The following NOL10 variants were observed in gnomAD, a reference collection of about 807,000 sequenced individuals.
NOL10 encodes nucleolar protein 10.
A neutral mutation model predicts 103.5 loss-of-function variants in NOL10; 58 were observed. That is an observed-to-expected ratio of 0.56 (90% CI 0.45 to 0.70). The LOEUF is 0.70. Among genes scored for constraint, NOL10 ranks in the 30% least tolerant of loss-of-function variants. NOL10 has a pLI of 0.00. For missense variants in NOL10, 763 were observed against 807.3 expected (o/e 0.95, Z 0.67); for synonymous variants, 287 against 282.5 (o/e 1.02, Z -0.16).
In NOL10 at chr2:10,612,584, C is replaced by T. The variant is rs372881605; in HGVS notation, c.1027-5273G>A. On this transcript the variant is annotated intron_variant, in intron 13 of 20. Coordinates refer to ENST00000381685, the MANE Select transcript of NOL10 (RefSeq NM_024894.4). ...GTGGCGTGATTTAGGCTCACTGCAACCTCTGCCTCCCAGGTTCAAGCGATT... is the reference window on the plus strand; with the variant it reads ...GTGGCGTGATTTAGGCTCACTGCAATCTCTGCCTCCCAGGTTCAAGCGATT... Among the ~76,000 whole-genome samples the T allele has an allele frequency of 1.1e-3, 171 of 152,232 alleles. 1 individual carries two copies. The highest frequency in any genetic ancestry group is 4.0e-3 in the African/African-American group (166 of 41,540).
Position 10,644,359 on chromosome 2 carries a change from C to A in NOL10, c.987G>T (p.Thr329=). The A allele has an allele frequency of 6.5e-7, 1 of 1,536,944 alleles. No individual in the cohort carries two copies. Among genetic ancestry groups the A allele is most frequent in the Admixed American group, 2.1e-5 (1 of 47,518 alleles). The change falls in exon 13 of 21, where the codon ACG becomes ACT. Residue 329 remains threonine (T), a synonymous_variant. Coordinates refer to ENST00000381685, the MANE Select transcript of NOL10 (RefSeq NM_024894.4). ...TGCCCATCTTGGGGGTTTCATTGGC[C>A]GTCAGAAGCATGCCTAAAAATAAAT... ...CLYPNSGMLL[T]ANETPKMGIY...
intron 13 of NOL10, among the ~76,000 whole-genome samples, chr2:10,610,806 C>T (rs1676523868): frequency 6.6e-6 from 1 of 152,138 alleles, no homozygotes; most frequent in South Asian, 2.1e-4. Context: ...TATTAATTTA[C>T]TTTCTAAATT....
In NOL10 at chr2:10,592,501, G is replaced by C. The variant is rs551559734; in HGVS notation, c.1423-2750C>G. ...CGCCATGTCTCAGGAGAAGGGAGGG[G>C]GCTATGATGTAAATTTTGGAGTTAT... On this transcript the variant is annotated intron_variant, in intron 17 of 20. Coordinates refer to ENST00000381685, the MANE Select transcript of NOL10 (RefSeq NM_024894.4). Among the ~76,000 whole-genome samples the C allele has an allele frequency of 6.8e-4, 103 of 152,166 alleles. 1 individual carries two copies. Among genetic ancestry groups the C allele is most frequent in the South Asian group, 2.5e-3 (12 of 4,806 alleles).
intron 13 of NOL10, among the ~76,000 whole-genome samples, chr2:10,608,297 T>G (rs1676366960): frequency 6.6e-6 from 1 of 152,218 alleles, no homozygotes; most frequent in South Asian, 2.1e-4. Context: ...AACAGAATTA[T>G]AACCAACTAA....
intron 19 of NOL10, among the ~76,000 whole-genome samples, chr2:10,578,408 C>T (rs10175884): frequency 0.34 from 52,313 of 152,092 alleles, 9,423 homozygotes; most frequent in Non-Finnish European, 0.4. Context: ...TCTCCAGGTA[C>T]CTTTCCTTTT....
chr2:10,675,290 G>C (rs1239844812), intron 4 of NOL10, among the ~76,000 whole-genome samples: 2 of 152,110 alleles, frequency 1.3e-5, no homozygotes, highest in African/African-American at 4.8e-5. Flanking sequence ...GGAGGTGAGT[G>C]TGTGATGAGA....
intron 19 of NOL10, among the ~76,000 whole-genome samples, chr2:10,587,210 TATATATACATATATATAC>T (rs1675133803): frequency 3.4e-5 from 2 of 59,062 alleles, no homozygotes; most frequent in Non-Finnish European, 5.8e-5. Context: ...TATACACATA[TATATATACATATATATAC>T]ATATATATAT....
chr2:10,605,703 G>A (rs181252085), intron 14 of NOL10, among the ~76,000 whole-genome samples: 35 of 152,018 alleles, frequency 2.3e-4, no homozygotes, highest in African/African-American at 8.2e-4. Context: ...TTTTTCATTC[G>A]ATTTAAGAAT....
intron 4 of NOL10, among the ~76,000 whole-genome samples, chr2:10,675,465 G>C (rs1398354412): frequency 6.6e-6 from 1 of 151,898 alleles, no homozygotes; most frequent in African/African-American, 2.4e-5. Flanking sequence ...TTTGGGGGGG[G>C]TGCATTCTCT....
At chr2:10,672,349 T>A (rs1414014151) in intron 5 of NOL10, among the ~76,000 whole-genome samples, 1 of 151,820 alleles carries the variant, frequency 6.6e-6, no homozygotes, top group African/African-American at 2.4e-5. Flanking sequence ...AAACAAAAAA[T>A]AATAATAATC....
intron 14 of NOL10, among the ~76,000 whole-genome samples, chr2:10,604,239 A>G (rs992484122): frequency 4.6e-5 from 7 of 152,224 alleles, no homozygotes; most frequent in African/African-American, 1.4e-4. Flanking sequence ...GTATGGGTCC[A>G]TGGCCCAGGG....
intron 3 of NOL10, among the ~76,000 whole-genome samples, chr2:10,678,537 A>C (rs571561022): frequency 6.6e-6 from 1 of 152,308 alleles, no homozygotes; most frequent in Admixed American, 6.5e-5. Context: ...GCATGATCAT[A>C]AACCCAATGC....
chr2:10,617,459 T>A (rs193235053), intron 13 of NOL10, among the ~76,000 whole-genome samples: 1 of 152,192 alleles, frequency 6.6e-6, no homozygotes, highest in Non-Finnish European at 1.5e-5. Context: ...TCAGATTTTA[T>A]AGAATTAGTC....
chr2:10,683,022 A>T (rs1000211799), intron 2 of NOL10, among the ~76,000 whole-genome samples: 2 of 152,074 alleles, frequency 1.3e-5, no homozygotes, highest in Admixed American at 6.5e-5. Context: ...TGACCTCATG[A>T]TCTGCCCGCC....
chr2:10,624,473 GA>G (rs1436224655), intron 13 of NOL10, among the ~76,000 whole-genome samples: 4 of 151,912 alleles, frequency 2.6e-5, no homozygotes, highest in Admixed American at 2.6e-4. Context: ...AAGTTCTACT[GA>G]AAGCCATTGT....
rs143160163 is a variant in NOL10, at chr2:10,572,148, G to C, written c.1990C>G (p.Arg664Gly). ...CGACGGAGTCTTTTCCTTTCTTGTCGATGCAGTTTCTCAGCCTCCTGTTGC... is the reference window on the plus strand; with the variant it reads ...CGACGGAGTCTTTTCCTTTCTTGTCCATGCAGTTTCTCAGCCTCCTGTTGC... The part of the protein sequence containing the change: ...KKQQEAEKLH[R>G]QERKRLRRSA... The change falls in exon 21 of 21, where the codon CGA becomes GGA. Residue 664 changes from arginine (R) to glycine (G), a missense_variant. Transcript: ENST00000381685. The C allele has an allele frequency of 2.5e-6, 4 of 1,613,722 alleles. No individual in the cohort carries two copies. The African/African-American group carries it at 4.0e-5, about 16-fold the overall frequency.
intron 3 of NOL10, among the ~76,000 whole-genome samples, chr2:10,678,214 A>G (rs1681466877): frequency 7.6e-6 from 1 of 131,362 alleles, no homozygotes; most frequent in African/African-American, 3.2e-5. Context: ...ACTTTCAGCT[A>G]ATTTTTTTTT....
chr2:10,607,750 T>TTTTTTATTATTATTATTATTATTATTA (rs70953321), intron 13 of NOL10, among the ~76,000 whole-genome samples: 8 of 144,726 alleles, frequency 5.5e-5, no homozygotes, highest in East Asian at 2.0e-4. Flanking sequence ...AAAAACAATA[T>TTTTTTATTATTATTATTATTATTATTA]TTATTATTAT....
chr2:10,600,812 AC>A (rs1487159262), intron 17 of NOL10, 40 bp downstream of exon 17: 1 of 1,312,758 alleles, frequency 7.6e-7, no homozygotes, highest in Non-Finnish European at 1.1e-6. Context: ...GTTACTATCA[AC>A]AAAACGCAGA....
Sources: allele counts gnomAD v4.1 joint callset (sites outside exome capture counted in the v4.1 genomes callset), GRCh38; gene constraint gnomAD v4.1.1; transcripts MANE v1.5; gene names NCBI Gene and HGNC (gene_info 2026-07-23, HGNC 2026-07-21).